The following SRRM3 variants were observed in gnomAD, a reference collection of about 807,000 sequenced individuals.
SRRM3 encodes serine/arginine repetitive matrix 3.
In SRRM3, 27 loss-of-function variants were observed where a neutral mutation model predicts 66.2. The observed-to-expected ratio is 0.41, with a 90% confidence interval of 0.30 to 0.56. SRRM3 has a LOEUF of 0.56. SRRM3 is among the 20% of genes least tolerant of loss of function. The probability of loss-of-function intolerance (pLI) is 0.32; values close to 1 mark genes in which losing one functional copy is unlikely to be tolerated. For synonymous variants in SRRM3, 391 were observed against 414.9 expected, an observed-to-expected ratio of 0.94 and a Z score of 0.70; for missense variants, 918 against 991.9, an observed-to-expected ratio of 0.93 and a Z score of 1.00.
chr7:76,217,249 C>G (rs1286922550), intron 1 of SRRM3, among the ~76,000 whole-genome samples: 4 of 152,172 alleles, frequency 2.6e-5, no homozygotes, highest in African/African-American at 9.7e-5. Flanking sequence ...GACACACACA[C>G]AGAAAGAGCA....
chr7:76,270,233 T>C (rs1554610362), intron 11 of SRRM3, among the ~76,000 whole-genome samples: 1 of 152,174 alleles, frequency 6.6e-6, no homozygotes, highest in East Asian at 1.9e-4. Flanking sequence ...TTTAGTATAA[T>C]GGGCTGGACA....
intron 1 of SRRM3, among the ~76,000 whole-genome samples, chr7:76,229,667 T>C (rs1374197583): frequency 6.6e-6 from 1 of 152,192 alleles, no homozygotes; most frequent in Non-Finnish European, 1.5e-5. Flanking sequence ...TCTACCCCAT[T>C]CCAATTTTAG....
intron 1 of SRRM3, among the ~76,000 whole-genome samples, chr7:76,204,130 G>A (rs554371319): frequency 6.6e-6 from 1 of 152,090 alleles, no homozygotes; most frequent in Non-Finnish European, 1.5e-5. Flanking sequence ...CTTTCTTAGT[G>A]GTTCACCCTC....
intron 2 of SRRM3, among the ~76,000 whole-genome samples, chr7:76,239,663 A>G (rs1554605364): frequency 6.6e-6 from 1 of 152,142 alleles, no homozygotes; most frequent in Non-Finnish European, 1.5e-5. Context: ...TGATTGCACC[A>G]CTGCACTCCA....
chr7:76,265,555 G>A (rs1801987879), intron 10 of SRRM3, 87 bp downstream of exon 10: 1 of 1,067,900 alleles, frequency 9.4e-7, no homozygotes, highest in Non-Finnish European at 1.3e-6. Flanking sequence ...AGCAGGGCTG[G>A]TGGACAGAAT....
intron 3 of SRRM3, among the ~76,000 whole-genome samples, chr7:76,257,082 A>G (rs369721689): frequency 3.4e-4 from 51 of 152,166 alleles, no homozygotes; most frequent in Admixed American, 1.0e-3. Flanking sequence ...CTGACCTCCT[A>G]TCTCATCCTG....
chr7:76,258,005 C>A (rs1414530279), intron 3 of SRRM3, among the ~76,000 whole-genome samples: 1 of 152,072 alleles, frequency 6.6e-6, no homozygotes, highest in African/African-American at 2.4e-5. Context: ...AAAAAAGAAG[C>A]GCTCTGAGAA....
At chr7:76,241,089 G>T (rs1228749805) in intron 2 of SRRM3, among the ~76,000 whole-genome samples, 1 of 152,138 alleles carries the variant, frequency 6.6e-6, no homozygotes, top group African/African-American at 2.4e-5. Context: ...TAGAGATGGG[G>T]TTTCACCATG....
At chr7:76,258,038 T>A (rs556382202) in intron 3 of SRRM3, among the ~76,000 whole-genome samples, 1 of 152,260 alleles carries the variant, frequency 6.6e-6, no homozygotes, top group Non-Finnish European at 1.5e-5. Flanking sequence ...AGCCAACATC[T>A]GTGGCAGAGG....
At chr7:76,227,456 C>T (rs185422195) in intron 1 of SRRM3, among the ~76,000 whole-genome samples, 1 of 152,166 alleles carries the variant, frequency 6.6e-6, no homozygotes, top group Non-Finnish European at 1.5e-5. Flanking sequence ...AGCTGCCTCC[C>T]CCATCCCACA....
chr7:76,281,682 G>C lies in SRRM3; in HGVS notation c.1250G>C (p.Arg417Pro). The part of the protein sequence containing the change: ...GRRRPRPAPP[R>P]GSSRSLSRAR... ...CGGCGCCCCCGGCCCGCGCCCCCCC[G>C]GGGCTCGTCGCGCTCGCTCAGCAGG... Residue 417 changes from arginine to proline, a missense_variant, in exon 12 of 15, where the codon CGG (arginine) becomes CCG (proline). By Grantham distance (103) the Arg-to-Pro change is moderately radical. Coordinates refer to ENST00000611745, the MANE Select transcript of SRRM3 (RefSeq NM_001110199.3). 2.0e-6 allele frequency: 2 copies of C among 1,018,238 alleles called. No individual in the cohort carries two copies. Among genetic ancestry groups the C allele is most frequent in the Non-Finnish European group, 2.3e-6 (2 of 851,540 alleles). The allele number at this position is 1,018,238 out of a possible 1,614,324, so 63.1% of individuals were successfully genotyped here. A position where few individuals can be genotyped will look rare whatever the true frequency, so the allele number is the denominator to read the frequency against.
intron 11 of SRRM3, among the ~76,000 whole-genome samples, chr7:76,280,566 G>A (rs1554611687): frequency 8.2e-6 from 1 of 122,376 alleles, no homozygotes; most frequent in African/African-American, 3.0e-5. Context: ...CTCCCCCTTT[G>A]GCCCCCGCCC....
At chr7:76,260,830 C>A in intron 5 of SRRM3, 44 bp from the exon 6 acceptor site, 1 of 1,551,014 alleles carries the variant, frequency 6.4e-7, no homozygotes, top group Non-Finnish European at 8.7e-7. Context: ...CCCCAACTAA[C>A]CCCATCCATC....
At chr7:76,209,424 G>A (rs1554601496) in intron 1 of SRRM3, among the ~76,000 whole-genome samples, 1 of 152,156 alleles carries the variant, frequency 6.6e-6, no homozygotes, top group African/African-American at 2.4e-5. Context: ...GACAGGGGAG[G>A]TGCCAGACAG....
intron 14 of SRRM3, among the ~76,000 whole-genome samples, chr7:76,284,349 TG>T (rs1554612458): frequency 6.6e-6 from 1 of 152,074 alleles, no homozygotes; most frequent in Non-Finnish European, 1.5e-5. Flanking sequence ...TAATTTTTTT[TG>T]TATTTTTAGT....
At chr7:76,238,553 C>A (rs1801203137) in intron 2 of SRRM3, among the ~76,000 whole-genome samples, 1 of 151,918 alleles carries the variant, frequency 6.6e-6, no homozygotes, top group African/African-American at 2.4e-5. Flanking sequence ...AGTCTGCAAT[C>A]ACCGCGGGGC....
At chr7:76,202,988 C>T (rs1800196415) in intron 1 of SRRM3, among the ~76,000 whole-genome samples, 1 of 152,218 alleles carries the variant, frequency 6.6e-6, no homozygotes, top group Non-Finnish European at 1.5e-5. Context: ...AGACCTCACT[C>T]ACCCTAGCAT....
At chr7:76,248,895 G>A (rs1409910867) in intron 3 of SRRM3, among the ~76,000 whole-genome samples, 5 of 152,046 alleles carry the variant, frequency 3.3e-5, no homozygotes, top group African/African-American at 9.7e-5. Context: ...CAGGAGAATC[G>A]CTTGAACCCG....
intron 1 of SRRM3, among the ~76,000 whole-genome samples, chr7:76,222,069 T>C (rs142921076): frequency 6.5e-4 from 99 of 152,292 alleles, no homozygotes; most frequent in African/African-American, 2.3e-3. Context: ...GGGTCTGTCT[T>C]GGTTCATGTG....
Sources: allele counts gnomAD v4.1 joint callset (sites outside exome capture counted in the v4.1 genomes callset), GRCh38; gene constraint gnomAD v4.1.1; transcripts MANE v1.5; gene names NCBI Gene and HGNC (gene_info 2026-07-23, HGNC 2026-07-21).